AMZ1: variants seen among roughly 807,000 people sequenced by gnomAD.
AMZ1 encodes the protein archaemetzincin-1.
AMZ1 carries 39 observed loss-of-function variants against 29.9 expected under a neutral mutation model. That is an observed-to-expected ratio of 1.30 (90% CI 1.01 to 1.70). AMZ1 has a LOEUF of 1.70. Among genes scored for constraint, AMZ1 ranks in the 40% most tolerant of loss-of-function variants. AMZ1 has a pLI of 0.00. For synonymous variants in AMZ1, 458 were observed against 304.0 expected (o/e 1.51, Z -5.27); for missense variants, 1,041 against 680.6 (o/e 1.53, Z -5.89).
intron 3 of AMZ1, among the ~76,000 whole-genome samples, chr7:2,704,483 T>TA (rs34393404): frequency 2.0e-5 from 3 of 149,838 alleles, no homozygotes; most frequent in South Asian, 2.1e-4. Flanking sequence ...ACCCGATCAT[T>TA]AAAAAAAAAT....
At chr7:2,695,120 C>T (rs1412739257) in intron 1 of AMZ1, among the ~76,000 whole-genome samples, 2 of 152,210 alleles carry the variant, frequency 1.3e-5, no homozygotes, top group Non-Finnish European at 2.9e-5. Flanking sequence ...CTTGCTCAGC[C>T]TCTGGCCCCG....
intron 1 of AMZ1, among the ~76,000 whole-genome samples, chr7:2,699,824 T>C (rs1266250515): frequency 1.3e-5 from 2 of 152,062 alleles, no homozygotes; most frequent in Non-Finnish European, 1.5e-5. Context: ...AGGTCTCTCT[T>C]CCCTCCAAGG....
At chr7:2,702,533 T>C (rs574827196) in intron 2 of AMZ1, 189 bp from the exon 3 acceptor site, 8 of 622,648 alleles carry the variant, frequency 1.3e-5, no homozygotes, top group Non-Finnish European at 2.2e-5. Flanking sequence ...TCTGTGTCCC[T>C]CGGTGTTTGC....
chr7:2,710,741 C>G (rs1252017035), intron 6 of AMZ1, among the ~76,000 whole-genome samples: 1 of 152,218 alleles, frequency 6.6e-6, no homozygotes. Flanking sequence ...AACAGCTTTT[C>G]CAAGTGTAAG....
intron 1 of AMZ1, among the ~76,000 whole-genome samples, chr7:2,681,137 C>T (rs1389209122): frequency 6.6e-6 from 1 of 152,226 alleles, no homozygotes; most frequent in Non-Finnish European, 1.5e-5. Context: ...GGGGCCATGG[C>T]TGAGCTCGGT....
In AMZ1 at chr7:2,700,665, G is replaced by A. The variant is rs543403758; in HGVS notation, c.214G>A (p.Glu72Lys). The A allele has an allele frequency of 1.4e-5, 22 of 1,612,458 alleles. No individual in the cohort carries two copies. The highest frequency in any genetic ancestry group is 5.3e-5 in the African/African-American group (4 of 75,036). ...CTTCGACTGGCTCCTGAGCCGACCC[G>A]AGGCTCCCGAGGACTTCCAGACCTT... ...TGFDWLLSRP[E>K]APEDFQTFHA... is the part of the protein sequence containing the mutation. The change falls in exon 2 of 7, where the codon GAG becomes AAG. Residue 72 changes from glutamate to lysine, a missense_variant. Glu to Lys is a moderately conservative substitution (Grantham distance 56, BLOSUM62 1). Coordinates refer to ENST00000683327, the MANE Select transcript of AMZ1 (RefSeq NM_001384743.1).
At chr7:2,685,568 A>T (rs1356928485), upstream of AMZ1, among the ~76,000 whole-genome samples, 1 of 150,708 alleles carries the variant, frequency 6.6e-6, no homozygotes, top group Non-Finnish European at 1.5e-5. Context: ...TCAAAAAAAA[A>T]AAAAGGCCGG....
chr7:2,732,942 G>C (rs1167627490), intron 4 of AMZ1, among the ~76,000 whole-genome samples: 1 of 152,134 alleles, frequency 6.6e-6, no homozygotes, highest in Non-Finnish European at 1.5e-5. Context: ...GAGACAACAG[G>C]GAAAATCTCT....
intron 4 of AMZ1, among the ~76,000 whole-genome samples, chr7:2,725,331 C>A (rs1789574976): frequency 6.6e-6 from 1 of 152,206 alleles, no homozygotes; most frequent in Admixed American, 6.5e-5. Context: ...GCCCGCGGCA[C>A]CAGACGGACA....
intron 3 of AMZ1, among the ~76,000 whole-genome samples, chr7:2,707,251 T>G (rs1433147132): frequency 1.3e-5 from 2 of 149,156 alleles, no homozygotes; most frequent in Non-Finnish European, 3.0e-5. Flanking sequence ...CACTGCAGCC[T>G]GGGCAACAAA....
intron 1 of AMZ1, among the ~76,000 whole-genome samples, chr7:2,693,811 T>A (rs1230646726): frequency 6.6e-6 from 1 of 152,240 alleles, no homozygotes; most frequent in African/African-American, 2.4e-5. Flanking sequence ...CGCCTCGGCC[T>A]CCCAAAGTGC....
intron 1 of AMZ1, among the ~76,000 whole-genome samples, chr7:2,679,943 G>C (rs890027403): frequency 6.6e-6 from 1 of 152,238 alleles, no homozygotes; most frequent in Non-Finnish European, 1.5e-5. Context: ...CTCGTAGGCA[G>C]AGGGACCCCG....
intron 1 of AMZ1, among the ~76,000 whole-genome samples, chr7:2,698,553 G>A (rs1787871168): frequency 6.6e-6 from 1 of 151,634 alleles, no homozygotes. Flanking sequence ...ACAAAAAGAA[G>A]TTGGGGCTCG....
At position 2,731,322 on chromosome 7, in the gene AMZ1, G is replaced by A. The variant is rs532433262; in HGVS notation, n.550+21506G>A. On this transcript the variant is annotated intron_variant and non_coding_transcript_variant, in intron 4 of 4. Transcript: ENST00000489665. This position sits in a 1 kb window ranked among gnomAD's most constrained non-coding sequence, Gnocchi z 6.0. ...TGCTGCGGTTCCGTCTCTTCCTGTC[G>A]AAGCACTGGACCAGGTAGCGCTGGA... is the stretch of plus-strand genomic sequence containing the variant. 2.0e-5 allele frequency: 32 copies of A among 1,613,946 alleles called. No individual in the cohort carries two copies. In the African/African-American group the frequency reaches 4.3e-4, roughly 22 times the overall value.
chr7:2,682,489 G>C (rs1217027109), intron 1 of AMZ1, among the ~76,000 whole-genome samples: 2 of 152,082 alleles, frequency 1.3e-5, no homozygotes, highest in African/African-American at 2.4e-5. Flanking sequence ...ACGGAGGCAC[G>C]GGCACGGAGC....
chr7:2,748,206 A>G (rs932577987), intron 4 of AMZ1, among the ~76,000 whole-genome samples: 3 of 151,222 alleles, frequency 2.0e-5, no homozygotes, highest in African/African-American at 7.3e-5. Flanking sequence ...CGCCAAGTCA[A>G]TCCTAAGCCA....
At chr7:2,762,667 A>C, upstream of AMZ1, 3 of 1,598,096 alleles carry the variant, frequency 1.9e-6, no homozygotes. Context: ...TGAGAGGATA[A>C]ATCATTTGGA....
chr7:2,696,479 G>T lies in AMZ1; in HGVS notation c.-218-3755G>T, dbSNP rs369833562. Among the ~76,000 whole-genome samples, 393 of 150,524 alleles carry T rather than the reference G, an allele frequency of 2.6e-3. 1 individual carries two copies. The highest frequency in any genetic ancestry group is 3.5e-3 in the Non-Finnish European group (238 of 67,454). ...TCACCATGTTAGCCAGGATGGTCTC[G>T]ATCTCCTGACCTCGTGATCTGCCCG... On this transcript the variant is annotated intron_variant, in intron 1 of 6. Coordinates refer to ENST00000683327, the MANE Select transcript of AMZ1 (RefSeq NM_001384743.1).
downstream of AMZ1, among the ~76,000 whole-genome samples, chr7:2,719,979 C>T (rs1193974948): frequency 6.6e-6 from 1 of 152,218 alleles, no homozygotes; most frequent in African/African-American, 2.4e-5. Flanking sequence ...CCGTGCCCAG[C>T]CTCAACTCCA....
Sources: gnomAD v4.1 joint callset for allele counts (sites outside exome capture counted in the v4.1 genomes callset) on GRCh38, gnomAD v4.1.1 for gene constraint, Gnocchi (gnomAD v3.1) non-coding constraint, MANE v1.5 for transcripts, NCBI Gene and HGNC (gene_info 2026-07-23, HGNC 2026-07-21) for gene names.